The following FAP variants were observed in gnomAD, a reference collection of about 807,000 sequenced individuals.
FAP encodes the protein prolyl endopeptidase FAP.
FAP carries 110 observed loss-of-function variants against 126.5 expected under a neutral mutation model. The observed-to-expected ratio is 0.87, with a 90% confidence interval of 0.74 to 1.02. The LOEUF (loss-of-function observed/expected upper bound fraction) is 1.02. Ranked by LOEUF, FAP falls within the 50% of genes least tolerant of loss-of-function variation. The pLI is 0.00. For missense variants in FAP, 919 were observed against 909.2 expected, an observed-to-expected ratio of 1.01 and a Z score of -0.14; for synonymous variants, 334 against 297.3, an observed-to-expected ratio of 1.12 and a Z score of -1.27.
intron 8 of FAP, 100 bp downstream of exon 8, chr2:162,218,963 A>T: frequency 1.0e-6 from 1 of 957,898 alleles, no homozygotes; most frequent in Non-Finnish European, 1.4e-6. Context: ...GCTACCCTTC[A>T]TGGAAATAAG....
chr2:162,237,203 C>G (rs763974448), intron 2 of FAP, among the ~76,000 whole-genome samples: 8 of 151,986 alleles, frequency 5.3e-5, no homozygotes, highest in Non-Finnish European at 8.8e-5. Flanking sequence ...TTATTACATG[C>G]TACTGTATTA....
At chr2:162,235,202 G>A (rs905578772) in intron 2 of FAP, among the ~76,000 whole-genome samples, 6 of 76,064 alleles carry the variant, frequency 7.9e-5, no homozygotes, top group South Asian at 5.1e-4. Context: ...CTCCCCCTCC[G>A]CCATGGGCTC....
chr2:162,235,943 G>T (rs539858488), intron 2 of FAP, among the ~76,000 whole-genome samples: 25 of 150,564 alleles, frequency 1.7e-4, no homozygotes, highest in Non-Finnish European at 3.0e-4. Context: ...GTTAACTATG[G>T]TTTTTTTTTG....
intron 17 of FAP, among the ~76,000 whole-genome samples, chr2:162,191,958 A>G (rs1348362396): frequency 6.6e-6 from 1 of 152,098 alleles, no homozygotes; most frequent in East Asian, 1.9e-4. Flanking sequence ...TCATCACATC[A>G]CAAGAGATTA....
chr2:162,171,142 CT>C lies in FAP; in HGVS notation c.2182-63del. ...AGTCATCAAATGCATTTAGCTTGGA[CT>C]TTTTTGTGCTCTCAGGACCTGATAA... On this transcript the variant is annotated intron_variant, in intron 25 of 25. Transcript: ENST00000188790. 3.9e-6 allele frequency: 5 copies of C among 1,276,748 alleles called. No individual in the cohort carries two copies. The South Asian group carries it at 4.9e-5, about 12-fold the overall frequency. The allele number at this position is 1,276,748 out of a possible 1,614,324, so 79.1% of individuals were successfully genotyped here. A position where few individuals can be genotyped will look rare whatever the true frequency, so the allele number is the denominator to read the frequency against.
rs184064171 is a variant in FAP, at chr2:162,234,503, A to C, written c.92-7882T>G. Among the ~76,000 whole-genome samples, 60 of 152,280 alleles carry C rather than the reference A, an allele frequency of 3.9e-4. 1 individual carries two copies. Among genetic ancestry groups the C allele is most frequent in the African/African-American group, 1.3e-3 (56 of 41,556 alleles). ...TGAATTCCTTAGGATTTCTACAAAC[A>C]AGATTGTGTTATCTGTCAGTAGAAA... is the stretch of plus-strand genomic sequence containing the variant. On this transcript the variant is annotated intron_variant, in intron 2 of 25. Coordinates refer to ENST00000188790, the MANE Select transcript of FAP (RefSeq NM_004460.5).
chr2:162,238,925 A>C (rs1690241514), intron 2 of FAP, among the ~76,000 whole-genome samples: 1 of 152,232 alleles, frequency 6.6e-6, no homozygotes, highest in African/African-American at 2.4e-5. Context: ...TCTGTGCTAT[A>C]CAAATTATCT....
intron 4 of FAP, 123 bp downstream of exon 4, chr2:162,225,360 T>A: frequency 1.6e-6 from 2 of 1,228,802 alleles, no homozygotes; most frequent in Non-Finnish European, 2.2e-6. Context: ...AAGACTCTAG[T>A]GGAGTATGGA....
At position 162,173,230 on chromosome 2, in the gene FAP, G is replaced by C. The variant is rs1220827013; in HGVS notation, c.2035-9C>G. 2 of 1,609,768 alleles carry C rather than the reference G, an allele frequency of 1.2e-6. No homozygotes were observed. The highest frequency in any genetic ancestry group is 1.7e-4 in the Middle Eastern group (1 of 6,036). On this transcript the variant is annotated splice_polypyrimidine_tract_variant and intron_variant, in intron 23 of 25. Transcript: ENST00000188790. The stretch of plus-strand genomic sequence containing the variant: ...GCCATCACAGTTGAATTCTGGAAAA[G>C]AGAAAAAAATTAACATTTTAGTTGC...
intron 7 of FAP, 41 bp from the exon 8 acceptor site, chr2:162,219,224 T>C (rs367873389): frequency 1.5e-5 from 24 of 1,575,678 alleles, no homozygotes; most frequent in Admixed American, 3.5e-5. Flanking sequence ...ACAAATTAAA[T>C]GAAGGCTGTA....
intron 17 of FAP, among the ~76,000 whole-genome samples, chr2:162,192,253 C>T (rs1457113783): frequency 6.6e-6 from 1 of 152,074 alleles, no homozygotes; most frequent in Non-Finnish European, 1.5e-5. Flanking sequence ...CTCCACTGCT[C>T]CACTGAAATG....
chr2:162,241,824 T>A (rs921993040), intron 2 of FAP, among the ~76,000 whole-genome samples: 2 of 152,174 alleles, frequency 1.3e-5, no homozygotes, highest in Non-Finnish European at 2.9e-5. Context: ...AAACAAAGAC[T>A]GAAATTAACA....
intron 21 of FAP, among the ~76,000 whole-genome samples, chr2:162,182,926 C>T (rs1203285704): frequency 2.0e-5 from 3 of 152,040 alleles, no homozygotes; most frequent in Non-Finnish European, 4.4e-5. Flanking sequence ...AACGAACATT[C>T]GGTCTACTAA....
intron 20 of FAP, among the ~76,000 whole-genome samples, chr2:162,187,291 G>T (rs1325044705): frequency 6.6e-6 from 1 of 152,018 alleles, no homozygotes; most frequent in African/African-American, 2.4e-5. Flanking sequence ...ATGTACTAAA[G>T]AAATTTCTAA....
Position 162,243,257 on chromosome 2 carries a change from C to T in FAP, c.6+65G>A. The T allele has an allele frequency of 2.4e-6, 3 of 1,259,726 alleles. No homozygotes were observed. The South Asian group carries it at 3.8e-5, about 16-fold the overall frequency. 78.0% of individuals were successfully genotyped at this position (1,259,726 alleles called of 1,614,324 possible). On this transcript the variant is annotated intron_variant, in intron 1 of 25. Transcript: ENST00000188790. ...TCTTCACCTTCTAAACAATAGAAAA[C>T]TCTGATCACGTTCAATCCAGCCAAC...
intron 2 of FAP, among the ~76,000 whole-genome samples, chr2:162,236,702 C>G (rs1175110738): frequency 6.6e-6 from 1 of 152,088 alleles, no homozygotes; most frequent in Non-Finnish European, 1.5e-5. Flanking sequence ...CCTCTGTCTC[C>G]CAGATTCAGG....
intron 11 of FAP, among the ~76,000 whole-genome samples, chr2:162,211,435 C>T (rs1330854054): frequency 6.6e-6 from 1 of 152,048 alleles, no homozygotes; most frequent in Non-Finnish European, 1.5e-5. Context: ...AGTTAGCCTA[C>T]CTTGCAAATA....
In FAP at chr2:162,180,162, CTA is replaced by C. The variant is rs1687648733; in HGVS notation, c.1869+3250_1869+3251del. On this transcript the variant is annotated intron_variant, in intron 21 of 25. Coordinates refer to ENST00000188790, the MANE Select transcript of FAP (RefSeq NM_004460.5). Reference sequence around the variant, plus strand: ...AGTGGCAAGAGATGAGATTGGAAAACTAAGCTGGAGTCAGACTGCCAAAGGCC... The same window carrying C: ...AGTGGCAAGAGATGAGATTGGAAAACAGCTGGAGTCAGACTGCCAAAGGCC... 2.6e-5 allele frequency among the ~76,000 whole-genome samples: 4 copies of C among 152,020 alleles called. No individual in the cohort carries two copies. The South Asian group carries it at 8.3e-4, about 32-fold the overall frequency.
In FAP at chr2:162,219,100, A is replaced by G. The variant is rs1467489548; in HGVS notation, c.570T>C (p.Asn190=). 6.2e-7 allele frequency: 1 copy of G among 1,605,974 alleles called. No homozygotes were observed. Among genetic ancestry groups the G allele is most frequent in the Non-Finnish European group, 8.5e-7 (1 of 1,175,254 alleles). Residue 190 remains asparagine (N), a synonymous_variant, in exon 8 of 26, where the codon AAT becomes AAC. Transcript: ENST00000188790. The stretch of plus-strand genomic sequence containing the variant: ...AGTCTGGGATTCCATTAAATATTTT[A>G]TTTTCTCTTCCATTAAATGTTATTT... The part of the protein sequence containing the change: ...PFQITFNGRE[N]KIFNGIPDWV...
Sources: gnomAD v4.1 joint callset for allele counts (sites outside exome capture counted in the v4.1 genomes callset) on GRCh38, gnomAD v4.1.1 for gene constraint, MANE v1.5 for transcripts, NCBI Gene and HGNC (gene_info 2026-07-23, HGNC 2026-07-21) for gene names.